The following RANBP9 variants were observed in gnomAD, a reference collection of about 807,000 sequenced individuals.
RANBP9 encodes ran-binding protein 9.
Under a neutral mutation model 84.3 loss-of-function variants are expected in RANBP9, and 15 were observed. That is an observed-to-expected ratio of 0.18 (90% CI 0.12 to 0.27). RANBP9 has a LOEUF of 0.27. Ranked by LOEUF, RANBP9 falls within the 10% of genes least tolerant of loss-of-function variation. The pLI is 1.00. For synonymous variants in RANBP9, 392 were observed against 349.6 expected (o/e 1.12, Z -1.35); for missense variants, 809 against 912.8 (o/e 0.89, Z 1.46).
At chr6:13,704,394 A>G (rs1758048105) in intron 1 of RANBP9, among the ~76,000 whole-genome samples, 1 of 152,102 alleles carries the variant, frequency 6.6e-6, no homozygotes, top group Non-Finnish European at 1.5e-5. Context: ...TTGGGAGGCT[A>G]AGGCAGGCAG....
chr6:13,675,768 C>A (rs1401429451), intron 2 of RANBP9, among the ~76,000 whole-genome samples: 1 of 150,698 alleles, frequency 6.6e-6, no homozygotes, highest in Non-Finnish European at 1.5e-5. Context: ...ATACCAAAAT[C>A]AAAGACATAA....
At chr6:13,639,111 T>C (rs1285068995) in intron 9 of RANBP9, among the ~76,000 whole-genome samples, 1 of 152,202 alleles carries the variant, frequency 6.6e-6, no homozygotes, top group African/African-American at 2.4e-5. Context: ...AACATGTCAA[T>C]CTGAACCTAC....
intron 2 of RANBP9, among the ~76,000 whole-genome samples, chr6:13,668,263 A>G (rs1765697039): frequency 6.6e-6 from 1 of 152,114 alleles, no homozygotes; most frequent in Non-Finnish European, 1.5e-5. Flanking sequence ...CACAAAGACA[A>G]GCCCGTGCTC....
rs1584916760 is a variant in RANBP9, at chr6:13,639,617, C to T, written c.1471G>A (p.Gly491Arg). 1 of 1,613,044 alleles carries T rather than the reference C, an allele frequency of 6.2e-7. No individual in the cohort carries two copies. The highest frequency in any genetic ancestry group is 8.5e-7 in the Non-Finnish European group (1 of 1,179,040). The change falls in exon 9 of 14, where the codon GGA becomes AGA. Residue 491 changes from glycine to arginine, a missense_variant. Gly to Arg is a moderately radical substitution (Grantham distance 125). Around this residue, in one of 5 missense-constraint regions of RANBP9, gnomAD observed 216 missense variants for 329.0 expected, o/e 0.66. Transcript: ENST00000011619. The part of the protein sequence containing the change: ...FSSPSMSPSH[G>R]MNIHNLASGK... ...GATGCTAAATTGTGGATATTCATTCCATGGCTGGGGCTCATACTTGGACTA... is the reference window on the plus strand; with the variant it reads ...GATGCTAAATTGTGGATATTCATTCTATGGCTGGGGCTCATACTTGGACTA...
intron 2 of RANBP9, among the ~76,000 whole-genome samples, chr6:13,688,716 C>A (rs1306593182): frequency 1.3e-5 from 2 of 151,662 alleles, no homozygotes; most frequent in Non-Finnish European, 2.9e-5. Context: ...ACTCTATCCT[C>A]AGGCAACCGC....
intron 2 of RANBP9, among the ~76,000 whole-genome samples, chr6:13,661,075 A>C (rs1765529350): frequency 1.3e-5 from 2 of 152,238 alleles, no homozygotes; most frequent in African/African-American, 2.4e-5. Context: ...CTTACTGCTT[A>C]AAGCCAAAGG....
rs150713499 is a variant in RANBP9 at position 13,688,527 on chromosome 6, C to G, written c.683+8258G>C. Among the ~76,000 whole-genome samples the G allele has an allele frequency of 3.3e-3, 506 of 152,244 alleles. 2 individuals are homozygous for G. Among genetic ancestry groups the G allele is most frequent in the African/African-American group, 0.012 (492 of 41,526 alleles). The stretch of plus-strand genomic sequence containing the variant: ...AGTTACTTACATGTTCATTTCCCTT[C>G]TTACCTGCAAACTTCTGGAAAGTAG... On this transcript the variant is annotated intron_variant, in intron 2 of 13. Coordinates refer to ENST00000011619, the MANE Select transcript of RANBP9 (RefSeq NM_005493.3).
At chr6:13,636,065 C>G (rs902623296) in intron 10 of RANBP9, among the ~76,000 whole-genome samples, 3 of 152,050 alleles carry the variant, frequency 2.0e-5, no homozygotes, top group African/African-American at 4.8e-5. Context: ...GGAAAACATC[C>G]TGGAAGAACT....
intron 1 of RANBP9, among the ~76,000 whole-genome samples, chr6:13,705,601 C>T (rs1758088299): frequency 6.6e-6 from 1 of 151,944 alleles, no homozygotes; most frequent in Admixed American, 6.6e-5. Context: ...GTGGCTCACG[C>T]CTGTAATCCC....
chr6:13,709,529 A>AT (rs1758219899), intron 1 of RANBP9, among the ~76,000 whole-genome samples: 1 of 152,286 alleles, frequency 6.6e-6, no homozygotes, highest in African/African-American at 2.4e-5. Context: ...AAATTAAAAC[A>AT]TAAAAGTAGA....
rs562936114 is a variant in RANBP9, at chr6:13,633,968, A to G, written c.1795+463T>C. 2.0e-5 allele frequency among the ~76,000 whole-genome samples: 3 copies of G among 151,132 alleles called. No homozygotes were observed. The South Asian group carries it at 6.3e-4, about 32-fold the overall frequency. ...GTGGGGTTTTTTTTTTTGGTGAGGG[A>G]GGTCATACTTAAGCACCTACTATAT... On this transcript the variant is annotated intron_variant, in intron 11 of 13. Coordinates refer to ENST00000011619, the MANE Select transcript of RANBP9 (RefSeq NM_005493.3).
chr6:13,644,755 C>T (rs1765144272), intron 5 of RANBP9, 26 bp from the exon 6 acceptor site: 1 of 1,480,212 alleles, frequency 6.8e-7, no homozygotes, highest in Non-Finnish European at 9.1e-7. Flanking sequence ...TTTCATTAAA[C>T]ATCTATCCAT....
intron 1 of RANBP9, among the ~76,000 whole-genome samples, chr6:13,701,254 G>A (rs1420967273): frequency 6.6e-6 from 1 of 152,082 alleles, no homozygotes; most frequent in Non-Finnish European, 1.5e-5. Context: ...TCCCACACTG[G>A]ACAGTTGACT....
intron 2 of RANBP9, among the ~76,000 whole-genome samples, chr6:13,675,997 T>C (rs534173844): frequency 8.5e-5 from 13 of 152,100 alleles, no homozygotes; most frequent in Non-Finnish European, 1.6e-4. Context: ...CAATAATTAA[T>C]AACCTTTACA....
intron 2 of RANBP9, among the ~76,000 whole-genome samples, chr6:13,662,000 T>C (rs536430430): frequency 6.6e-6 from 1 of 151,940 alleles, no homozygotes; most frequent in South Asian, 2.1e-4. Context: ...AGGGAAAAAA[T>C]AAGATATTTT....
chr6:13,631,343 C>A (rs1355873790), intron 12 of RANBP9, among the ~76,000 whole-genome samples: 1 of 152,104 alleles, frequency 6.6e-6, no homozygotes, highest in Non-Finnish European at 1.5e-5. Context: ...CTAGGCCAGG[C>A]AAGCATGTTA....
At chr6:13,679,963 G>T (rs1241527344) in intron 2 of RANBP9, among the ~76,000 whole-genome samples, 1 of 151,652 alleles carries the variant, frequency 6.6e-6, no homozygotes, top group Non-Finnish European at 1.5e-5. Context: ...GAATTACAAG[G>T]AAAAAAAGGA....
chr6:13,661,472 G>A (rs1765536714), intron 2 of RANBP9, among the ~76,000 whole-genome samples: 1 of 151,468 alleles, frequency 6.6e-6, no homozygotes, highest in South Asian at 2.1e-4. Context: ...CAACAAATGT[G>A]ACACAACAGG....
At chr6:13,648,919 A>G (rs1047670885) in intron 5 of RANBP9, among the ~76,000 whole-genome samples, 1 of 152,210 alleles carries the variant, frequency 6.6e-6, no homozygotes, top group African/African-American at 2.4e-5. Flanking sequence ...AAACTGAATT[A>G]GTTATACTTA....
Sources: gnomAD v4.1 joint callset for allele counts (sites outside exome capture counted in the v4.1 genomes callset) on GRCh38, gnomAD v4.1.1 for gene constraint, gnomAD v4.1.1 regional missense constraint, MANE v1.5 for transcripts, NCBI Gene and HGNC (gene_info 2026-07-23, HGNC 2026-07-21) for gene names.